REPS2: variants seen among roughly 807,000 people sequenced by gnomAD.
REPS2 encodes ralBP1-associated Eps domain-containing protein 2.
Under a neutral mutation model 53.6 loss-of-function variants are expected in REPS2, and 23 were observed. That is an observed-to-expected ratio of 0.43 (90% CI 0.31 to 0.61). REPS2 has a LOEUF of 0.61. Ranked by LOEUF, REPS2 falls within the 20% of genes least tolerant of loss-of-function variation. The pLI is 0.11. For missense variants in REPS2, 446 were observed against 534.9 expected (o/e 0.83, Z 1.64); for synonymous variants, 238 against 218.6 (o/e 1.09, Z -0.78).
At chrX:17,121,819 T>G (rs1379989060) in intron 14 of REPS2, among the ~76,000 whole-genome samples, 1 of 111,360 alleles carries the variant, frequency 9.0e-6, no homozygotes, top group Non-Finnish European at 1.9e-5. Flanking sequence ...TCAAGCAATT[T>G]AGCTCACTGC....
intron 1 of REPS2, among the ~76,000 whole-genome samples, chrX:16,968,309 C>T (rs1164719657): frequency 3.5e-4 from 39 of 112,659 alleles, no homozygotes; most frequent in East Asian, 2.0e-3. Context: ...CTTTCTATTC[C>T]ACAAAACCGC....
rs181955231 is a variant in REPS2 at position 17,074,169 on chromosome X, G to A, written c.1379+10G>A. 44 of 1,205,351 alleles carry A rather than the reference G, an allele frequency of 3.7e-5. No individual in the cohort carries two copies. Among genetic ancestry groups the A allele is most frequent in the Admixed American group, 6.5e-5 (3 of 45,855 alleles). Reference sequence around the variant, plus strand: ...CAAGACCAAGATCCAGGTAGTGTTCGTTTAATTTCTGCTTTAATGCCCTTT... The same window carrying A: ...CAAGACCAAGATCCAGGTAGTGTTCATTTAATTTCTGCTTTAATGCCCTTT... On this transcript the variant is annotated intron_variant, in intron 12 of 17. Transcript: ENST00000357277.
chrX:17,008,161 G>A (rs983535042), intron 2 of REPS2, among the ~76,000 whole-genome samples: 4 of 112,110 alleles, frequency 3.6e-5, no homozygotes, highest in East Asian at 5.6e-4. Context: ...AAGACACAGC[G>A]GCCATTTGCT....
intron 13 of REPS2, among the ~76,000 whole-genome samples, chrX:17,088,588 CT>C (rs137985831): frequency 0.025 from 2,363 of 94,025 alleles, 82 homozygotes; most frequent in African/African-American, 0.08. Context: ...TCTTTCTTTC[CT>C]TTTTTTTTTT....
At chrX:17,122,214 C>A (rs190126015) in intron 14 of REPS2, among the ~76,000 whole-genome samples, 1 of 111,445 alleles carries the variant, frequency 9.0e-6, no homozygotes, top group Non-Finnish European at 1.9e-5. Context: ...GTTTTCCAGT[C>A]GCTATCTCTT....
chrX:17,132,527 G>C (rs1345815042), intron 14 of REPS2, among the ~76,000 whole-genome samples: 2 of 112,762 alleles, frequency 1.8e-5, no homozygotes, highest in Non-Finnish European at 3.8e-5. Context: ...CAGCTTCATA[G>C]ACATTCTTTT....
In REPS2 at chrX:16,958,161, A is replaced by G. The variant is rs141155677; in HGVS notation, c.273+11027A>G. Reference sequence around the variant, plus strand: ...TCAGTCTTAATTGAGGAGGCAGACTAAAAAAGAATGTAAAAACGGGGAGTT... The same window carrying G: ...TCAGTCTTAATTGAGGAGGCAGACTGAAAAAGAATGTAAAAACGGGGAGTT... On this transcript the variant is annotated intron_variant, in intron 1 of 17. Transcript: ENST00000357277. 1.1e-3 allele frequency among the ~76,000 whole-genome samples: 120 copies of G among 111,856 alleles called. 1 individual carries two copies. Among genetic ancestry groups the G allele is most frequent in the African/African-American group, 3.7e-3 (113 of 30,755 alleles).
intron 13 of REPS2, among the ~76,000 whole-genome samples, chrX:17,089,448 T>A (rs752206424): frequency 8.9e-6 from 1 of 111,913 alleles, no homozygotes; most frequent in Non-Finnish European, 1.9e-5. Context: ...TGATTTCTAG[T>A]AAATTTATCA....
chrX:17,011,126 G>A (rs1041652265), intron 2 of REPS2, among the ~76,000 whole-genome samples: 2 of 108,888 alleles, frequency 1.8e-5, no homozygotes, highest in African/African-American at 6.7e-5. Flanking sequence ...ATCTGAACTA[G>A]GGTGCTGTAC....
At chrX:16,968,447 C>T (rs760597613) in intron 1 of REPS2, among the ~76,000 whole-genome samples, 12 of 98,084 alleles carry the variant, frequency 1.2e-4, no homozygotes, top group East Asian at 1.1e-3. Context: ...ACCTCCCGGA[C>T]GGGGCGGCTG....
In REPS2 at chrX:17,006,383, G is replaced by A. The variant is rs1422868855; in HGVS notation, c.397+39G>A. On this transcript the variant is annotated intron_variant, in intron 2 of 17. Transcript: ENST00000357277. Reference sequence around the variant, plus strand: ...ATTTGTATGTTTTATTGTCCATGGCGAGTCGCTCATTTATGAGAACCATTT... The same window carrying A: ...ATTTGTATGTTTTATTGTCCATGGCAAGTCGCTCATTTATGAGAACCATTT... 6 of 1,144,879 alleles carry A rather than the reference G, an allele frequency of 5.2e-6. No homozygotes were observed. The African/African-American group carries it at 5.3e-5, about 10-fold the overall frequency. 94.4% of individuals were successfully genotyped at this position (1,144,879 alleles called of 1,213,427 possible). A position where few individuals can be genotyped will look rare whatever the true frequency, so the allele number is the denominator to read the frequency against.
chrX:16,963,230 C>T (rs1392598864), intron 1 of REPS2, among the ~76,000 whole-genome samples: 1 of 112,022 alleles, frequency 8.9e-6, no homozygotes, highest in African/African-American at 3.2e-5. Context: ...ATACATTGCT[C>T]ATATCCACTA....
chrX:17,126,728 T>G (rs899349207), intron 14 of REPS2, among the ~76,000 whole-genome samples: 1 of 111,983 alleles, frequency 8.9e-6, no homozygotes, highest in Non-Finnish European at 1.9e-5. Flanking sequence ...TTTTTTTTTG[T>G]AAATAAAGTT....
the REPS2 span, among the ~76,000 whole-genome samples, chrX:17,171,752 C>CT: frequency 9.0e-6 from 1 of 110,718 alleles, no homozygotes; most frequent in African/African-American, 3.3e-5. Flanking sequence ...TCTCAAACTC[C>CT]TGGGCTCAAG....
At chrX:17,003,385 A>G (rs1049805492) in intron 1 of REPS2, among the ~76,000 whole-genome samples, 1 of 111,254 alleles carries the variant, frequency 9.0e-6, no homozygotes, top group Non-Finnish European at 1.9e-5. Context: ...GGGAGGAGAG[A>G]GACATGACGA....
intron 13 of REPS2, among the ~76,000 whole-genome samples, chrX:17,084,926 T>A (rs1478601856): frequency 8.9e-6 from 1 of 112,285 alleles, no homozygotes; most frequent in Non-Finnish European, 1.9e-5. Context: ...TGCTTGTGCT[T>A]TTGCTGTCAT....
chrX:17,180,374 C>T, the REPS2 span, among the ~76,000 whole-genome samples: 11 of 111,109 alleles, frequency 9.9e-5, no homozygotes, highest in Non-Finnish European at 1.9e-4. Flanking sequence ...ATATACTAAG[C>T]GATCTTGAGC....
chrX:17,059,520 T>G (rs1481062749), intron 8 of REPS2, among the ~76,000 whole-genome samples: 1 of 109,988 alleles, frequency 9.1e-6, no homozygotes, highest in East Asian at 2.9e-4. Flanking sequence ...CAGACTTGAG[T>G]GCAGTGGCAT....
intron 6 of REPS2, among the ~76,000 whole-genome samples, chrX:17,049,252 A>G (rs2061948118): frequency 8.9e-6 from 1 of 112,218 alleles, no homozygotes; most frequent in South Asian, 3.6e-4. Context: ...TATATAAAAA[A>G]AAGTTAACTG....
Sources: gnomAD v4.1 joint callset for allele counts (sites outside exome capture counted in the v4.1 genomes callset) on GRCh38, gnomAD v4.1.1 for gene constraint, MANE v1.5 for transcripts, NCBI Gene and HGNC (gene_info 2026-07-23, HGNC 2026-07-21) for gene names.